SPTBN1: variants seen among roughly 807,000 people sequenced by gnomAD.
SPTBN1 encodes spectrin beta chain, non-erythrocytic 1.
SPTBN1 carries 32 observed loss-of-function variants against 266.4 expected under a neutral mutation model. The ratio of observed to expected loss-of-function variants is 0.12; its 90% CI spans 0.09 to 0.16. SPTBN1 has a LOEUF of 0.16. Among genes scored for constraint, SPTBN1 ranks in the 10% least tolerant of loss-of-function variants. The pLI, the probability that SPTBN1 is intolerant of heterozygous loss-of-function variation, is 1.00. For synonymous variants in SPTBN1, 1,336 were observed against 1,162.2 expected (o/e 1.15, Z -3.04); for missense variants, 2,296 against 3,067.1 (o/e 0.75, Z 5.94).
At chr2:54,565,790 A>G (rs1217159458) in intron 2 of SPTBN1, among the ~76,000 whole-genome samples, 1 of 152,258 alleles carries the variant, frequency 6.6e-6, no homozygotes, top group South Asian at 2.1e-4. Context: ...CCCTGGAAAC[A>G]TCCATGTACT....
chr2:54,484,147 C>G (rs181902648), intron 1 of SPTBN1, among the ~76,000 whole-genome samples: 3 of 152,304 alleles, frequency 2.0e-5, no homozygotes, highest in Admixed American at 2.0e-4. Context: ...GATTGCACCA[C>G]TGCACTCCAT....
chr2:54,644,583 A>T lies in SPTBN1; in HGVS notation c.4266A>T (p.Gln1422His). The T allele has an allele frequency of 6.2e-7, 1 of 1,601,466 alleles. No individual in the cohort carries two copies. Among genetic ancestry groups the T allele is most frequent in the Non-Finnish European group, 8.5e-7 (1 of 1,169,954 alleles). Reference sequence around the variant, plus strand: ...GTGTCAATATCCTGCTGAAAAAGCAACAGGCAAGTGGACAAGCCATCATGG... The same window carrying T: ...GTGTCAATATCCTGCTGAAAAAGCATCAGGCAAGTGGACAAGCCATCATGG... Reference protein sequence around the residue: ...LTSVNILLKKQQMLENQMEVR... With the variant: ...LTSVNILLKKHQMLENQMEVR... Residue 1422 changes from glutamine to histidine, a missense_variant, in exon 20 of 36, where the codon CAA (glutamine) becomes CAT (histidine). Around this residue, in one of 12 missense-constraint regions of SPTBN1, gnomAD observed 386 missense variants for 486.1 expected, o/e 0.79. Transcript: ENST00000356805.
chr2:54,629,765 C>G lies in SPTBN1; in HGVS notation c.2631C>G (p.Ile877Met). 2 of 1,610,658 alleles carry G rather than the reference C, an allele frequency of 1.2e-6. No homozygotes were observed. The highest frequency in any genetic ancestry group is 1.7e-6 in the Non-Finnish European group (2 of 1,179,744). ...AGCAGTGGCTCAACAACATGCAGAT[C>G]CCAGAGAAGCTGGAGGATCTGGAGG... ...EKEQWLNNMQ[I>M]PEKLEDLEVI... Residue 877 changes from isoleucine to methionine, a missense_variant, in exon 14 of 36, where the codon ATC becomes ATG. By Grantham distance (10) the Ile-to-Met change is conservative (BLOSUM62 1). Coordinates refer to ENST00000356805, the MANE Select transcript of SPTBN1 (RefSeq NM_003128.3).
At position 54,629,154 on chromosome 2, in the gene SPTBN1, A is replaced by T; in HGVS notation, c.2020A>T (p.Met674Leu). 6.2e-7 allele frequency: 1 copy of T among 1,613,628 alleles called. No individual in the cohort carries two copies. The highest frequency in any genetic ancestry group is 8.5e-7 in the Non-Finnish European group (1 of 1,179,918). ...TTACGGGAAAGACCTGACCAGCGTC[A>T]TGCGCCTGCTCAGCAAGCACCGGGC... ...DDYGKDLTSV[M>L]RLLSKHRAFE... The change falls in exon 14 of 36, where the codon ATG becomes TTG. Residue 674 changes from methionine to leucine, a missense_variant. Met to Leu is a conservative substitution (Grantham distance 15). Coordinates refer to ENST00000356805, the MANE Select transcript of SPTBN1 (RefSeq NM_003128.3).
At chr2:54,475,862 C>CT (rs1342184635) in intron 1 of SPTBN1, among the ~76,000 whole-genome samples, 1 of 152,160 alleles carries the variant, frequency 6.6e-6, no homozygotes, top group African/African-American at 2.4e-5. Flanking sequence ...ACAAACAAAA[C>CT]TTTTGATGCT....
chr2:54,631,025 C>T lies in SPTBN1; in HGVS notation c.2978C>T (p.Ala993Val). ...GGCAATGACCTGGCTGGCGTCATGG[C>T]CCTGCAGCGCAAGCTGACCGGCATG... ...DLGNDLAGVM[A>V]LQRKLTGMER... The change falls in exon 16 of 36, where the codon GCC becomes GTC. Residue 993 changes from alanine to valine, a missense_variant. Physicochemically the swap from Ala to Val is moderately conservative, Grantham distance 64. This residue lies in a region of SPTBN1 where 128 missense variants were observed against 176.5 expected (regional missense o/e 0.73). Transcript: ENST00000356805. 6.2e-7 allele frequency: 1 copy of T among 1,613,946 alleles called. No individual in the cohort carries two copies. The highest frequency in any genetic ancestry group is 8.5e-7 in the Non-Finnish European group (1 of 1,179,870).
chr2:54,461,693 T>C (rs1011104419), intron 1 of SPTBN1, among the ~76,000 whole-genome samples: 2 of 152,266 alleles, frequency 1.3e-5, no homozygotes, highest in African/African-American at 2.4e-5. Flanking sequence ...TGAGTTTGAA[T>C]GTCTGTTTAC....
At chr2:54,589,562 G>A (rs1203586073) in intron 2 of SPTBN1, among the ~76,000 whole-genome samples, 3 of 152,214 alleles carry the variant, frequency 2.0e-5, no homozygotes, top group Non-Finnish European at 4.4e-5. Context: ...TGCATTTAGA[G>A]CAAATATTTA....
intron 10 of SPTBN1, 101 bp from the exon 11 acceptor site, chr2:54,624,703 G>C: frequency 6.6e-7 from 1 of 1,515,308 alleles, no homozygotes; most frequent in Non-Finnish European, 8.9e-7. Flanking sequence ...CAAGCTGTCA[G>C]GTCCTTTTGA....
At chr2:54,563,690 G>C (rs1673481292) in intron 2 of SPTBN1, among the ~76,000 whole-genome samples, 1 of 130,928 alleles carries the variant, frequency 7.6e-6, no homozygotes, top group African/African-American at 2.9e-5. Context: ...TGCAACCTCT[G>C]CCTTCCGGGT....
chr2:54,514,131 G>A (rs1456650043), intron 1 of SPTBN1, among the ~76,000 whole-genome samples: 1 of 152,160 alleles, frequency 6.6e-6, no homozygotes, highest in African/African-American at 2.4e-5. Context: ...ACTGTTCCTT[G>A]TGCAGTTTGC....
intron 2 of SPTBN1, chr2:54,527,632 T>C (rs1033754065): frequency 6.6e-6 from 1 of 152,272 alleles, no homozygotes; most frequent in Non-Finnish European, 1.5e-5. Context: ...ACTCTGGCTT[T>C]ATTTTCTAGT....
intron 4 of SPTBN1, among the ~76,000 whole-genome samples, chr2:54,615,347 T>G (rs910963928): frequency 6.6e-6 from 1 of 152,170 alleles, no homozygotes; most frequent in African/African-American, 2.4e-5. Context: ...AGGCAATGGA[T>G]GGACTCCTGG....
At chr2:54,597,574 C>T (rs148171488) in intron 2 of SPTBN1, among the ~76,000 whole-genome samples, 10 of 152,312 alleles carry the variant, frequency 6.6e-5, no homozygotes, top group South Asian at 2.1e-4. Context: ...AGCAGGTGGC[C>T]GGGGATCTTG....
At position 54,511,465 on chromosome 2, in the gene SPTBN1, G is replaced by T. The variant is rs143954374; in HGVS notation, c.-47-14907G>T. 1.2e-3 allele frequency among the ~76,000 whole-genome samples: 179 copies of T among 152,264 alleles called. 4 individuals are homozygous for T. The South Asian group carries it at 0.034, about 29-fold the overall frequency. Reference sequence around the variant, plus strand: ...CTTTTTGGCACCAGGGACTAGTTTCGTGGAAGACAGTTTTTCCACTGACGG... The same window carrying T: ...CTTTTTGGCACCAGGGACTAGTTTCTTGGAAGACAGTTTTTCCACTGACGG... On this transcript the variant is annotated intron_variant, in intron 1 of 35. Coordinates refer to ENST00000356805, the MANE Select transcript of SPTBN1 (RefSeq NM_003128.3).
At chr2:54,600,182 C>T (rs549035995) in intron 3 of SPTBN1, among the ~76,000 whole-genome samples, 4 of 152,296 alleles carry the variant, frequency 2.6e-5, no homozygotes, top group South Asian at 4.1e-4. Flanking sequence ...CACCTCTGAC[C>T]GCAGGCAAGG....
At chr2:54,642,220 G>C (rs558497838) in intron 18 of SPTBN1, among the ~76,000 whole-genome samples, 1 of 152,222 alleles carries the variant, frequency 6.6e-6, no homozygotes, top group African/African-American at 2.4e-5. Context: ...CTGGCGTTTG[G>C]CTGACCCCGG....
intron 1 of SPTBN1, among the ~76,000 whole-genome samples, chr2:54,495,488 T>G (rs1668919002): frequency 6.6e-6 from 1 of 152,200 alleles, no homozygotes; most frequent in South Asian, 2.1e-4. Context: ...TACAAATACT[T>G]AAGATGTTTC....
intron 17 of SPTBN1, among the ~76,000 whole-genome samples, chr2:54,634,878 T>G (rs1478547781): frequency 6.6e-6 from 1 of 152,164 alleles, no homozygotes; most frequent in African/African-American, 2.4e-5. Flanking sequence ...GGGAAGAGAC[T>G]GTCCTCAGCC....
Sources: allele counts gnomAD v4.1 joint callset (sites outside exome capture counted in the v4.1 genomes callset), GRCh38; gene constraint gnomAD v4.1.1; regional missense constraint gnomAD v4.1.1; transcripts MANE v1.5; gene names NCBI Gene and HGNC (gene_info 2026-07-23, HGNC 2026-07-21).